GPD2: variants seen among roughly 807,000 people sequenced by gnomAD.
The protein encoded by GPD2 is glycerol-3-phosphate dehydrogenase, mitochondrial.
Under a neutral mutation model 82.4 loss-of-function variants are expected in GPD2, and 54 were observed. The ratio of observed to expected loss-of-function variants is 0.66; its 90% CI spans 0.53 to 0.82. The LOEUF is 0.82. Ranked by LOEUF, GPD2 falls within the 40% of genes least tolerant of loss-of-function variation. The probability of loss-of-function intolerance (pLI) is 0.00; values close to 1 mark genes in which losing one functional copy is unlikely to be tolerated. For synonymous variants in GPD2, 288 were observed against 306.1 expected, an observed-to-expected ratio of 0.94 and a Z score of 0.62; for missense variants, 748 against 896.2, an observed-to-expected ratio of 0.83 and a Z score of 2.11.
At chr2:156,533,710 GT>G (rs1198800723) in intron 6 of GPD2, among the ~76,000 whole-genome samples, 3 of 152,200 alleles carry the variant, frequency 2.0e-5, no homozygotes, top group Non-Finnish European at 4.4e-5. Context: ...ACATTATACT[GT>G]TGCTGCATGT....
the GPD2 span, among the ~76,000 whole-genome samples, chr2:156,427,933 A>G: frequency 6.6e-6 from 1 of 152,106 alleles, no homozygotes; most frequent in South Asian, 2.1e-4. Context: ...CTCTGTATTC[A>G]TGGTCACTCT....
At chr2:156,554,293 C>A (rs1031869666) in intron 8 of GPD2, among the ~76,000 whole-genome samples, 2 of 152,168 alleles carry the variant, frequency 1.3e-5, no homozygotes, top group African/African-American at 4.8e-5. Flanking sequence ...CAGGGATGAA[C>A]CAAAGCTTCT....
At chr2:156,523,612 G>A (rs1685493893) in intron 6 of GPD2, among the ~76,000 whole-genome samples, 1 of 151,880 alleles carries the variant, frequency 6.6e-6, no homozygotes, top group African/African-American at 2.4e-5. Context: ...TATCTTTAAA[G>A]TTAAGAACTC....
chr2:156,530,205 T>C lies in GPD2; in HGVS notation c.661+16709T>C, dbSNP rs1261359207. Among the ~76,000 whole-genome samples, 19 of 125,780 alleles carry C rather than the reference T, an allele frequency of 1.5e-4. No homozygotes were observed. In the South Asian group the frequency reaches 5.1e-3, roughly 34 times the overall value. 82.5% of individuals were successfully genotyped at this position (125,780 alleles called of 152,430 possible). A position where few individuals can be genotyped will look rare whatever the true frequency, so the allele number is the denominator to read the frequency against. ...TATTTTATTCTCTTTGAAGCAATTG[T>C]GAATGGGAGTTCACTCATGATTTGG... On this transcript the variant is annotated intron_variant, in intron 6 of 16. Coordinates refer to ENST00000438166, the MANE Select transcript of GPD2 (RefSeq NM_000408.5).
chr2:156,442,172 G>A (rs1682198429), intron 1 of GPD2, among the ~76,000 whole-genome samples: 1 of 152,054 alleles, frequency 6.6e-6, no homozygotes, highest in African/African-American at 2.4e-5. Flanking sequence ...AACCTGACAA[G>A]CTATGACAGA....
rs757233126 is a variant in GPD2 at position 156,512,316 on chromosome 2, A to C, written c.496A>C (p.Lys166Gln). 1.3e-6 allele frequency: 2 copies of C among 1,502,452 alleles called. No individual in the cohort carries two copies. Among genetic ancestry groups the C allele is most frequent in the Non-Finnish European group, 1.9e-6 (2 of 1,078,110 alleles). The allele number at this position is 1,502,452 out of a possible 1,614,324, so 93.1% of individuals were successfully genotyped here. The change falls in exon 5 of 17, where the codon AAG (lysine) becomes CAG (glutamine). Residue 166 changes from lysine (K) to glutamine (Q), a missense_variant and splice_region_variant. This residue lies in a region of GPD2 where 692 missense variants were observed against 809.7 expected (regional missense o/e 0.85). Coordinates refer to ENST00000438166, the MANE Select transcript of GPD2 (RefSeq NM_000408.5). ...ATTGCCTATAATGCTTCCAGTTTACAAGTAAGCCTTTTGATATCACCTGTA... is the reference window on the plus strand; with the variant it reads ...ATTGCCTATAATGCTTCCAGTTTACCAGTAAGCCTTTTGATATCACCTGTA... ...APLPIMLPVY[K>Q]WWQLPYYWVG...
chr2:156,470,345 G>A (rs779774570), intron 1 of GPD2, among the ~76,000 whole-genome samples: 8 of 151,952 alleles, frequency 5.3e-5, no homozygotes, highest in Non-Finnish European at 1.2e-4. Context: ...AGAGGTGTGC[G>A]CCACCATGCC....
intron 6 of GPD2, among the ~76,000 whole-genome samples, chr2:156,543,562 A>G (rs1000263217): frequency 4.6e-5 from 7 of 152,214 alleles, no homozygotes; most frequent in Admixed American, 2.0e-4. Context: ...CTTGTGCTGT[A>G]ATAAATGTAT....
At chr2:156,492,839 C>A (rs1347262282) in intron 2 of GPD2, among the ~76,000 whole-genome samples, 2 of 152,114 alleles carry the variant, frequency 1.3e-5, no homozygotes, top group Non-Finnish European at 2.9e-5. Flanking sequence ...GCACCAGCAA[C>A]TACATTTATA....
chr2:156,405,214 T>G, the GPD2 span, among the ~76,000 whole-genome samples: 1 of 152,126 alleles, frequency 6.6e-6, no homozygotes, highest in Non-Finnish European at 1.5e-5. Context: ...CTTGATAGAC[T>G]TGGGGTGTAG....
At chr2:156,415,849 C>A in the GPD2 span, among the ~76,000 whole-genome samples, 2 of 151,640 alleles carry the variant, frequency 1.3e-5, no homozygotes, top group Non-Finnish European at 2.9e-5. Flanking sequence ...TAGCGAAAGT[C>A]CGTCTCCAAA....
chr2:156,469,155 G>T (rs922946210), intron 1 of GPD2, among the ~76,000 whole-genome samples: 4 of 152,232 alleles, frequency 2.6e-5, no homozygotes, highest in South Asian at 2.1e-4. Flanking sequence ...CAAATGAAAT[G>T]ATCTCATTCT....
At chr2:156,467,075 C>A (rs1683174048) in intron 1 of GPD2, among the ~76,000 whole-genome samples, 1 of 152,016 alleles carries the variant, frequency 6.6e-6, no homozygotes, top group Non-Finnish European at 1.5e-5. Context: ...TGTTTATTTT[C>A]TTTCGCTTTC....
chr2:156,535,038 G>A (rs1686010631), intron 6 of GPD2, among the ~76,000 whole-genome samples: 1 of 152,144 alleles, frequency 6.6e-6, no homozygotes, highest in Admixed American at 6.5e-5. Flanking sequence ...GCCAAAGCAT[G>A]CAGACCCATG....
intron 9 of GPD2, among the ~76,000 whole-genome samples, chr2:156,562,781 C>T (rs1687224457): frequency 6.6e-6 from 1 of 152,082 alleles, no homozygotes; most frequent in Non-Finnish European, 1.5e-5. Flanking sequence ...TGAAAATTGT[C>T]TGTTCAACTT....
intron 16 of GPD2, 41 bp downstream of exon 16, chr2:156,579,829 C>G: frequency 1.1e-6 from 1 of 932,594 alleles, no homozygotes. Flanking sequence ...TTGCTTTTAT[C>G]TTTTGTTTGT....
At chr2:156,424,205 A>AG in the GPD2 span, among the ~76,000 whole-genome samples, 1 of 151,590 alleles carries the variant, frequency 6.6e-6, no homozygotes, top group Non-Finnish European at 1.5e-5. Context: ...AAATAAGGAA[A>AG]AAAAAAAAAC....
At chr2:156,464,505 T>A (rs1683087311) in intron 1 of GPD2, among the ~76,000 whole-genome samples, 1 of 152,134 alleles carries the variant, frequency 6.6e-6, no homozygotes, top group Non-Finnish European at 1.5e-5. Context: ...CTAGTCAGCT[T>A]TTTTCCTAGG....
At chr2:156,503,574 G>A (rs189334528) in intron 3 of GPD2, among the ~76,000 whole-genome samples, 181 of 152,154 alleles carry the variant, frequency 1.2e-3, no homozygotes, top group African/African-American at 4.3e-3. Flanking sequence ...TTAATAAATT[G>A]GATATTCAGT....
Sources: allele counts gnomAD v4.1 joint callset (sites outside exome capture counted in the v4.1 genomes callset), GRCh38; gene constraint gnomAD v4.1.1; regional missense constraint gnomAD v4.1.1; transcripts MANE v1.5; gene names NCBI Gene and HGNC (gene_info 2026-07-23, HGNC 2026-07-21).